The following MCC variants were observed in gnomAD, a reference collection of about 807,000 sequenced individuals.
MCC encodes the protein colorectal mutant cancer protein.
MCC carries 90 observed loss-of-function variants against 116.2 expected under a neutral mutation model. That is an observed-to-expected ratio of 0.77 (90% CI 0.65 to 0.92). MCC has a LOEUF of 0.92. Among genes scored for constraint, MCC ranks in the 40% least tolerant of loss-of-function variants. The pLI is 0.00. For synonymous variants in MCC, 578 were observed against 510.5 expected (o/e 1.13, Z -1.78); for missense variants, 1,516 against 1,312.2 (o/e 1.16, Z -2.40).
At chr5:113,419,801 C>T (rs1006406351) in intron 1 of MCC, among the ~76,000 whole-genome samples, 17 of 142,594 alleles carry the variant, frequency 1.2e-4, no homozygotes, top group Non-Finnish European at 1.9e-4. Context: ...TGTTCTCACT[C>T]ATAGGTGGGA....
chr5:113,300,104 G>C lies in MCC; in HGVS notation c.627+40415C>G, dbSNP rs957814240. Among the ~76,000 whole-genome samples the C allele has an allele frequency of 2.6e-5, 4 of 152,230 alleles. No homozygotes were observed. In the East Asian group the frequency reaches 7.7e-4, roughly 29 times the overall value. Reference sequence around the variant, plus strand: ...TCTCTGTGTATGGCTGCCGACTTCAGTGAATCTCTACATGGCAGAAACTCT... The same window carrying C: ...TCTCTGTGTATGGCTGCCGACTTCACTGAATCTCTACATGGCAGAAACTCT... On this transcript the variant is annotated intron_variant, in intron 3 of 18. Coordinates refer to ENST00000408903, the MANE Select transcript of MCC (RefSeq NM_001085377.2).
At chr5:113,169,462 G>A (rs74855487) in intron 3 of MCC, among the ~76,000 whole-genome samples, 3 of 152,028 alleles carry the variant, frequency 2.0e-5, no homozygotes, top group East Asian at 1.9e-4. Flanking sequence ...GACCAGCAAG[G>A]CCAAGCACAC....
At chr5:113,039,000 G>A (rs6594660) in intron 17 of MCC, among the ~76,000 whole-genome samples, 101,837 of 152,010 alleles carry the variant, frequency 0.67, 34,866 homozygotes, top group Non-Finnish European at 0.74. Context: ...CTAAATGACC[G>A]CAGCCTCCTG....
intron 3 of MCC, among the ~76,000 whole-genome samples, chr5:113,296,678 T>TA (rs1168117020): frequency 5.3e-5 from 8 of 152,146 alleles, no homozygotes; most frequent in Admixed American, 1.3e-4. Flanking sequence ...AGTGCCATGT[T>TA]AAAAAAATGG....
At chr5:113,068,466 C>A (rs1011379301) in intron 12 of MCC, among the ~76,000 whole-genome samples, 3 of 152,168 alleles carry the variant, frequency 2.0e-5, no homozygotes, top group Non-Finnish European at 2.9e-5. Context: ...CCTGAAAGGA[C>A]CATGTGATTC....
At chr5:113,090,757 C>T (rs6879634) in intron 8 of MCC, among the ~76,000 whole-genome samples, 69,598 of 152,064 alleles carry the variant, frequency 0.46, 17,498 homozygotes, top group African/African-American at 0.69. Flanking sequence ...TGTAACTGTA[C>T]ACAACAATTG....
At chr5:113,347,384 GTT>G (rs141871825) in intron 2 of MCC, among the ~76,000 whole-genome samples, 69 of 151,836 alleles carry the variant, frequency 4.5e-4, no homozygotes, top group African/African-American at 1.3e-3. Context: ...TTCTTTTCGT[GTT>G]TTTTTGTTTG....
At chr5:113,299,639 G>A (rs759051134) in intron 3 of MCC, among the ~76,000 whole-genome samples, 5 of 152,190 alleles carry the variant, frequency 3.3e-5, no homozygotes, top group Non-Finnish European at 4.4e-5. Flanking sequence ...CACAATTAGA[G>A]CTTGCCAGCG....
intron 1 of MCC, among the ~76,000 whole-genome samples, chr5:113,440,826 G>C (rs889087782): frequency 3.9e-5 from 6 of 152,146 alleles, no homozygotes; most frequent in Admixed American, 3.9e-4. Context: ...TATATCAGAA[G>C]TTTAACAATG....
intron 12 of MCC, 100 bp from the exon 13 acceptor site, chr5:113,068,283 G>A (rs955829211): frequency 9.0e-5 from 74 of 821,520 alleles, no homozygotes; most frequent in Middle Eastern, 6.3e-4. Context: ...GTGCTGTCTC[G>A]GCCTCACTCT....
chr5:113,347,376 CT>C (rs1768160216), intron 2 of MCC, among the ~76,000 whole-genome samples: 1 of 150,498 alleles, frequency 6.6e-6, no homozygotes, highest in Non-Finnish European at 1.5e-5. Flanking sequence ...TATTAGTTTT[CT>C]TTTCGTGTTT....
At chr5:113,181,995 G>A (rs1024036973) in intron 3 of MCC, among the ~76,000 whole-genome samples, 2 of 152,096 alleles carry the variant, frequency 1.3e-5, no homozygotes, top group East Asian at 1.9e-4. Flanking sequence ...GCTGAGCCAG[G>A]CCCTGATGTG....
chr5:113,224,345 G>A (rs1437703902), intron 3 of MCC, among the ~76,000 whole-genome samples: 4 of 152,118 alleles, frequency 2.6e-5, no homozygotes, highest in African/African-American at 9.7e-5. Flanking sequence ...AGCCCGTCTC[G>A]GCCTCCCAAA....
At chr5:113,045,008 G>A (rs1253898482) in intron 16 of MCC, among the ~76,000 whole-genome samples, 1 of 152,208 alleles carries the variant, frequency 6.6e-6, no homozygotes, top group African/African-American at 2.4e-5. Flanking sequence ...CCTCTGCCAT[G>A]CCCTCCACCT....
chr5:113,331,820 T>C (rs1767704459), intron 3 of MCC, among the ~76,000 whole-genome samples: 1 of 151,390 alleles, frequency 6.6e-6, no homozygotes, highest in Admixed American at 6.6e-5. Flanking sequence ...GTATTATTAG[T>C]AGAGACGGGG....
At chr5:113,354,515 A>T (rs1768361588) in intron 2 of MCC, among the ~76,000 whole-genome samples, 1 of 150,576 alleles carries the variant, frequency 6.6e-6, no homozygotes, top group Non-Finnish European at 1.5e-5. Context: ...GCTCACTGCA[A>T]TCTCCACCTC....
chr5:113,182,616 C>G (rs1314757826), intron 3 of MCC, among the ~76,000 whole-genome samples: 2 of 152,110 alleles, frequency 1.3e-5, no homozygotes, highest in African/African-American at 4.8e-5. Flanking sequence ...AAAGAGCAAG[C>G]CTTCAAAAGC....
intron 3 of MCC, among the ~76,000 whole-genome samples, chr5:113,238,238 T>C (rs1764224396): frequency 6.6e-6 from 1 of 152,196 alleles, no homozygotes; most frequent in Admixed American, 6.5e-5. Context: ...TCTGGCACTT[T>C]TCAGAAAGGC....
intron 3 of MCC, among the ~76,000 whole-genome samples, chr5:113,320,316 G>A (rs1021953720): frequency 1.3e-5 from 2 of 152,128 alleles, no homozygotes; most frequent in African/African-American, 4.8e-5. Context: ...CAGTAGCAGA[G>A]AGGGTAAGGG....
Sources: gnomAD v4.1 joint callset for allele counts (sites outside exome capture counted in the v4.1 genomes callset) on GRCh38, gnomAD v4.1.1 for gene constraint, MANE v1.5 for transcripts, NCBI Gene and HGNC (gene_info 2026-07-23, HGNC 2026-07-21) for gene names.